PUM2: variants seen among roughly 807,000 people sequenced by gnomAD.
PUM2 encodes the protein pumilio homolog 2.
In PUM2, 57 loss-of-function variants were observed where a neutral mutation model predicts 124.5. The ratio of observed to expected loss-of-function variants is 0.46; its 90% CI spans 0.37 to 0.57. PUM2 has a LOEUF of 0.57. PUM2 is among the 20% of genes least tolerant of loss of function. The pLI, the probability that PUM2 is intolerant of heterozygous loss-of-function variation, is 0.00. For missense variants in PUM2, 1,065 were observed against 1,290.6 expected (o/e 0.83, Z 2.68); for synonymous variants, 460 against 446.1 (o/e 1.03, Z -0.39).
chr2:20,253,681 A>G, intron 20 of PUM2, 141 bp downstream of exon 20: 1 of 781,372 alleles, frequency 1.3e-6, no homozygotes, highest in South Asian at 2.4e-5. Context: ...AACCATACCA[A>G]TATATCTGCC....
chr2:20,308,537 C>T lies in PUM2; in HGVS notation c.566G>A (p.Arg189His), dbSNP rs773602472. 23 of 1,613,922 alleles carry T rather than the reference C, an allele frequency of 1.4e-5. No homozygotes were observed. In the East Asian group the frequency reaches 4.0e-4, roughly 28 times the overall value. Residue 189 changes from arginine to histidine, a missense_variant, in exon 6 of 21, where the codon CGC becomes CAC. This residue lies in a region of PUM2 where 968 missense variants were observed against 1,159.8 expected (regional missense o/e 0.83). Coordinates refer to ENST00000361078, the MANE Select transcript of PUM2 (RefSeq NM_015317.5). ...TGAGGGATTAGTATTGGGGCCCAAGCGCTCAACTACTTCAGTTGGAGAGGC... is the reference window on the plus strand; with the variant it reads ...TGAGGGATTAGTATTGGGGCCCAAGTGCTCAACTACTTCAGTTGGAGAGGC... ...RQASPTEVVE[R>H]LGPNTNPSEG...
chr2:20,262,166 T>G lies in PUM2; in HGVS notation c.2225+1027A>C, dbSNP rs187017480. Among the ~76,000 whole-genome samples the G allele has an allele frequency of 2.7e-3, 404 of 152,326 alleles. 1 individual carries two copies. The highest frequency in any genetic ancestry group is 4.9e-3 in the Admixed American group (75 of 15,302). ...AAAGTTTTAAATAAATTCAGTGTAG[T>G]TGAAGTGTACAGTGTTTATAAAGTC... On this transcript the variant is annotated intron_variant, in intron 14 of 20. Transcript: ENST00000361078.
At chr2:20,297,837 C>T (rs765452133) in intron 7 of PUM2, among the ~76,000 whole-genome samples, 159 bp from the exon 8 acceptor site, 19 of 152,044 alleles carry the variant, frequency 1.2e-4, no homozygotes, top group Non-Finnish European at 2.1e-4. Context: ...GGGCATGTAC[C>T]GCTAACTCTA....
At chr2:20,290,851 T>TA in intron 9 of PUM2, 61 bp from the exon 10 acceptor site, 1 of 1,308,170 alleles carries the variant, frequency 7.6e-7, no homozygotes, top group African/African-American at 1.5e-5. Flanking sequence ...TAAATTTATC[T>TA]TGGACAACTG....
chr2:20,311,770 A>G, intron 4 of PUM2, 107 bp from the exon 5 acceptor site: 1 of 1,144,110 alleles, frequency 8.7e-7, no homozygotes, highest in South Asian at 1.6e-5. Flanking sequence ...CAATAAAAGC[A>G]TTGAATCTTA....
chr2:20,286,498 T>C (rs914223757), intron 10 of PUM2, among the ~76,000 whole-genome samples: 6 of 152,354 alleles, frequency 3.9e-5, no homozygotes, highest in Non-Finnish European at 8.8e-5. Flanking sequence ...TAATAGCTAA[T>C]GATTACTTTT....
chr2:20,284,133 A>G (rs1416993964), intron 10 of PUM2, among the ~76,000 whole-genome samples: 1 of 152,244 alleles, frequency 6.6e-6, no homozygotes, highest in Middle Eastern at 3.2e-3. Flanking sequence ...AAAAACACAG[A>G]AAATGATTTA....
intron 7 of PUM2, among the ~76,000 whole-genome samples, chr2:20,303,149 G>C (rs770666740): frequency 5.3e-5 from 8 of 152,018 alleles, no homozygotes; most frequent in Non-Finnish European, 1.2e-4. Context: ...CTCCTTGTTG[G>C]TTGACCTACA....
At chr2:20,347,499 T>C (rs949316526) in intron 1 of PUM2, among the ~76,000 whole-genome samples, 1 of 152,186 alleles carries the variant, frequency 6.6e-6, no homozygotes, top group African/African-American at 2.4e-5. Flanking sequence ...TGGAAAAGCT[T>C]GAAAATAGAA....
rs147570728 is a variant in PUM2 at position 20,323,542 on chromosome 2, T to C, written c.51+3768A>G. On this transcript the variant is annotated intron_variant, in intron 2 of 20. Coordinates refer to ENST00000361078, the MANE Select transcript of PUM2 (RefSeq NM_015317.5). Reference sequence around the variant, plus strand: ...CAACAGTATGAATCCTTTACTGTTATCAAACATGACTTAACTTACTGACCC... The same window carrying C: ...CAACAGTATGAATCCTTTACTGTTACCAAACATGACTTAACTTACTGACCC... 9.3e-4 allele frequency among the ~76,000 whole-genome samples: 142 copies of C among 152,086 alleles called. 3 individuals carry two copies. The highest frequency in any genetic ancestry group is 3.1e-3 in the African/African-American group (130 of 41,516).
At chr2:20,306,939 C>T (rs1188441049) in intron 7 of PUM2, among the ~76,000 whole-genome samples, 1 of 149,352 alleles carries the variant, frequency 6.7e-6, no homozygotes, top group Admixed American at 6.7e-5. Flanking sequence ...ATAGGCCAGA[C>T]GCGGTGGCTC....
chr2:20,255,579 C>T (rs537789976), intron 17 of PUM2, among the ~76,000 whole-genome samples: 1 of 152,130 alleles, frequency 6.6e-6, no homozygotes, highest in South Asian at 2.1e-4. Flanking sequence ...CTAACCAGAA[C>T]TTTACCTGAA....
At position 20,256,148 on chromosome 2, in the gene PUM2, T is replaced by A; in HGVS notation, c.2507A>T (p.Asp836Val). The A allele has an allele frequency of 6.3e-7, 1 of 1,595,514 alleles. No homozygotes were observed. The highest frequency in any genetic ancestry group is 8.5e-7 in the Non-Finnish European group (1 of 1,174,006). Residue 836 changes from aspartate to valine, a missense_variant, in exon 17 of 21, where the codon GAT becomes GTT. Around this residue, in one of 3 missense-constraint regions of PUM2, gnomAD observed 968 missense variants for 1,159.8 expected, o/e 0.83. Coordinates refer to ENST00000361078, the MANE Select transcript of PUM2 (RefSeq NM_015317.5). ...TTTCACACATTTGAGCACATGACCA[T>A]CCAGCTCCTTTACCATTTCACTCTG... ...DQQSEMVKEL[D>V]GHVLKCVKDQ...
chr2:20,254,437 G>A (rs1257611057), intron 19 of PUM2, among the ~76,000 whole-genome samples: 1 of 152,094 alleles, frequency 6.6e-6, no homozygotes, highest in Non-Finnish European at 1.5e-5. Context: ...GGGATTACAC[G>A]TGTGAGACAC....
intron 9 of PUM2, among the ~76,000 whole-genome samples, chr2:20,293,487 T>C (rs115877842): frequency 0.29 from 43,557 of 152,018 alleles, 6,560 homozygotes; most frequent in Middle Eastern, 0.35. Flanking sequence ...GGTGGGTGGA[T>C]TACTTGAGGC....
chr2:20,342,229 A>G (rs1219615841), intron 1 of PUM2, among the ~76,000 whole-genome samples: 1 of 152,210 alleles, frequency 6.6e-6, no homozygotes, highest in African/African-American at 2.4e-5. Context: ...CTGGAGAAAA[A>G]TAACAATTTT....
intron 13 of PUM2, among the ~76,000 whole-genome samples, chr2:20,275,940 T>C (rs1255513270): frequency 6.6e-6 from 1 of 152,096 alleles, no homozygotes; most frequent in Admixed American, 6.6e-5. Context: ...GTTAAAGACA[T>C]TTAAGTCAAT....
At chr2:20,336,201 T>G (rs1469309279) in intron 1 of PUM2, among the ~76,000 whole-genome samples, 2 of 152,058 alleles carry the variant, frequency 1.3e-5, no homozygotes, top group East Asian at 3.9e-4. Context: ...TTGTTTGTTT[T>G]TTTTTGAGGC....
chr2:20,317,624 G>A (rs1435559471), intron 3 of PUM2, among the ~76,000 whole-genome samples: 1 of 151,996 alleles, frequency 6.6e-6, no homozygotes, highest in East Asian at 1.9e-4. Flanking sequence ...ATGTCACAGG[G>A]GTTTGGTGTA....
Sources: allele counts gnomAD v4.1 joint callset (sites outside exome capture counted in the v4.1 genomes callset), GRCh38; gene constraint gnomAD v4.1.1; regional missense constraint gnomAD v4.1.1; transcripts MANE v1.5; gene names NCBI Gene and HGNC (gene_info 2026-07-23, HGNC 2026-07-21).